The following LSAMP variants were observed in gnomAD, a reference collection of about 807,000 sequenced individuals.
LSAMP encodes the protein limbic system-associated membrane protein.
A neutral mutation model predicts 38.6 loss-of-function variants in LSAMP; 7 were observed. That is an observed-to-expected ratio of 0.18 (90% CI 0.10 to 0.34). The LOEUF (loss-of-function observed/expected upper bound fraction) is 0.34. Among genes scored for constraint, LSAMP ranks in the 10% least tolerant of loss-of-function variants. LSAMP has a pLI of 1.00. For synonymous variants in LSAMP, 154 were observed against 166.8 expected (o/e 0.92, Z 0.59); for missense variants, 313 against 420.0 (o/e 0.75, Z 2.23).
chr3:116,136,749 A>T (rs1709256118), intron 1 of LSAMP, among the ~76,000 whole-genome samples: 3 of 152,036 alleles, frequency 2.0e-5, no homozygotes, highest in Admixed American at 1.3e-4. Context: ...ATGTGTCTCT[A>T]CACTTGCAGA....
At chr3:115,978,821 G>A (rs968372601) in intron 3 of LSAMP, among the ~76,000 whole-genome samples, 1 of 152,100 alleles carries the variant, frequency 6.6e-6, no homozygotes, top group Non-Finnish European at 1.5e-5. Context: ...GTGCTACCAT[G>A]ATAAAAGGAG....
intron 1 of LSAMP, among the ~76,000 whole-genome samples, chr3:116,334,625 C>T (rs954719925): frequency 6.6e-6 from 1 of 151,902 alleles, no homozygotes; most frequent in African/African-American, 2.4e-5. Flanking sequence ...ATCACATTAA[C>T]AGAATGAAGG....
At chr3:116,299,000 T>TA (rs752042598) in intron 1 of LSAMP, among the ~76,000 whole-genome samples, 121 of 152,280 alleles carry the variant, frequency 7.9e-4, no homozygotes, top group African/African-American at 2.8e-3. Context: ...ACCAAAATTT[T>TA]AAAAAAGATA....
intron 6 of LSAMP, among the ~76,000 whole-genome samples, chr3:115,814,945 C>T (rs1053188500): frequency 5.9e-5 from 9 of 152,142 alleles, no homozygotes. Context: ...TAGAAGGAAG[C>T]CTGATAAAAT....
chr3:116,082,689 T>C (rs1458437859), intron 2 of LSAMP, among the ~76,000 whole-genome samples: 1 of 152,132 alleles, frequency 6.6e-6, no homozygotes, highest in Non-Finnish European at 1.5e-5. Context: ...ATATACACCA[T>C]GAAATATTAT....
intron 3 of LSAMP, among the ~76,000 whole-genome samples, chr3:115,898,984 A>G (rs1382105311): frequency 3.3e-5 from 5 of 152,162 alleles, no homozygotes; most frequent in Admixed American, 1.3e-4. Flanking sequence ...GTGTACAGCC[A>G]TGGGTGTCTC....
At chr3:115,934,728 T>C (rs1937642066) in intron 3 of LSAMP, among the ~76,000 whole-genome samples, 1 of 152,214 alleles carries the variant, frequency 6.6e-6, no homozygotes, top group African/African-American at 2.4e-5. Flanking sequence ...AGAAGAATGA[T>C]TCTGGGTTTG....
intron 1 of LSAMP, among the ~76,000 whole-genome samples, chr3:116,295,367 C>A (rs996317761): frequency 6.6e-6 from 1 of 152,180 alleles, no homozygotes; most frequent in Non-Finnish European, 1.5e-5. Context: ...GGGTGACATT[C>A]GTGGATCCAC....
intron 3 of LSAMP, among the ~76,000 whole-genome samples, chr3:115,898,587 G>T (rs1049394197): frequency 7.6e-6 from 1 of 130,806 alleles, no homozygotes; most frequent in African/African-American, 3.1e-5. Context: ...TGCCTCATTT[G>T]CATGAAGATG....
chr3:115,964,637 T>C (rs1164496750), intron 3 of LSAMP, among the ~76,000 whole-genome samples: 1 of 152,076 alleles, frequency 6.6e-6, no homozygotes, highest in African/African-American at 2.4e-5. Context: ...ATTGTCTATA[T>C]AAAAACACAA....
chr3:116,164,105 A>C (rs1709971907), intron 1 of LSAMP, among the ~76,000 whole-genome samples: 1 of 152,184 alleles, frequency 6.6e-6, no homozygotes, highest in Non-Finnish European at 1.5e-5. Flanking sequence ...TGAATCATGA[A>C]TATGACAAAT....
At chr3:116,424,804 T>C (rs1216523780) in intron 1 of LSAMP, among the ~76,000 whole-genome samples, 1 of 152,182 alleles carries the variant, frequency 6.6e-6, no homozygotes, top group East Asian at 1.9e-4. Flanking sequence ...AGGTTTATAC[T>C]CTACATATAA....
chr3:115,926,102 A>AAGTAC (rs1937493423), intron 3 of LSAMP, among the ~76,000 whole-genome samples: 1 of 152,194 alleles, frequency 6.6e-6, no homozygotes, highest in South Asian at 2.1e-4. Context: ...GAGATGTATG[A>AAGTAC]AGAAGTACAG....
At position 115,962,588 on chromosome 3, in the gene LSAMP, G is replaced by C. The variant is rs148681886; in HGVS notation, c.514+56927C>G. 5.7e-3 allele frequency among the ~76,000 whole-genome samples: 865 copies of C among 152,298 alleles called. 4 individuals are homozygous for C. The highest frequency in any genetic ancestry group is 0.011 in the South Asian group (52 of 4,826). The stretch of plus-strand genomic sequence containing the variant: ...GTATGCTCAAGAGGGTTGTGAGAGA[G>C]TTAAACAGGATAATATATGTGAAAG... On this transcript the variant is annotated intron_variant, in intron 3 of 6. Coordinates refer to ENST00000490035, the MANE Select transcript of LSAMP (RefSeq NM_002338.5).
At chr3:115,902,593 T>G (rs1423185720) in intron 3 of LSAMP, among the ~76,000 whole-genome samples, 1 of 152,120 alleles carries the variant, frequency 6.6e-6, no homozygotes, top group African/African-American at 2.4e-5. Flanking sequence ...AAACTATGCA[T>G]CTGTCAAAGG....
intron 6 of LSAMP, among the ~76,000 whole-genome samples, chr3:115,840,635 G>C (rs1934966875): frequency 6.6e-6 from 1 of 152,124 alleles, no homozygotes; most frequent in Non-Finnish European, 1.5e-5. Flanking sequence ...AGTCATTTGT[G>C]GTTGTTTTTA....
intron 1 of LSAMP, among the ~76,000 whole-genome samples, chr3:116,327,843 GA>G (rs1466848579): frequency 6.6e-6 from 1 of 152,160 alleles, no homozygotes; most frequent in Non-Finnish European, 1.5e-5. Context: ...AGATTAGGCT[GA>G]AGTCTATATG....
intron 1 of LSAMP, among the ~76,000 whole-genome samples, chr3:116,126,992 G>A (rs1445622289): frequency 6.6e-6 from 1 of 152,198 alleles, no homozygotes; most frequent in East Asian, 1.9e-4. Context: ...AAGGCATTTT[G>A]TGAAATAGAA....
intron 1 of LSAMP, among the ~76,000 whole-genome samples, chr3:116,118,920 T>C (rs1708812941): frequency 6.6e-6 from 1 of 152,238 alleles, no homozygotes; most frequent in African/African-American, 2.4e-5. Flanking sequence ...CTTTTCAAAT[T>C]TTGTATGTGC....
Sources: allele counts gnomAD v4.1 joint callset (sites outside exome capture counted in the v4.1 genomes callset), GRCh38; gene constraint gnomAD v4.1.1; transcripts MANE v1.5; gene names NCBI Gene and HGNC (gene_info 2026-07-23, HGNC 2026-07-21).